Variants in NRG3 observed in about 807,000 individuals in gnomAD.
NRG3 encodes neuregulin 3, also known as pro-neuregulin-3, membrane-bound isoform.
In NRG3, 31 loss-of-function variants were observed where a neutral mutation model predicts 66.9. That is an observed-to-expected ratio of 0.46 (90% confidence interval 0.35 to 0.63). The LOEUF (loss-of-function observed/expected upper bound fraction) is 0.63, where lower values mean the gene tolerates loss of function less well. Ranked by LOEUF, NRG3 falls within the 20% of genes least tolerant of loss-of-function variation. The pLI is 0.00. For synonymous variants in NRG3, 393 were observed against 359.4 expected, an observed-to-expected ratio of 1.09 and a Z score of -1.06; for missense variants, 910 against 878.9, an observed-to-expected ratio of 1.04 and a Z score of -0.45.
intron 2 of NRG3, among the ~76,000 whole-genome samples, chr10:82,361,588 C>G (rs762302813): frequency 7.9e-5 from 12 of 152,124 alleles, no homozygotes; most frequent in Non-Finnish European, 1.2e-4. Context: ...TACTGAGCAC[C>G]TCCTATCACT....
intron 2 of NRG3, among the ~76,000 whole-genome samples, chr10:82,419,309 G>A (rs984265696): frequency 2.0e-5 from 3 of 151,988 alleles, no homozygotes; most frequent in African/African-American, 7.3e-5. Flanking sequence ...TAATTGAAAG[G>A]CAGAGTTTAA....
At chr10:82,254,478 T>C (rs2077622082) in intron 1 of NRG3, among the ~76,000 whole-genome samples, 1 of 152,194 alleles carries the variant, frequency 6.6e-6, no homozygotes, top group South Asian at 2.1e-4. Flanking sequence ...TCAGTGACAG[T>C]GAGCACACCC....
intron 2 of NRG3, among the ~76,000 whole-genome samples, chr10:82,540,274 T>C (rs763892690): frequency 6.6e-6 from 1 of 152,194 alleles, no homozygotes; most frequent in Non-Finnish European, 1.5e-5. Context: ...AGAACTGAAC[T>C]GCACTTCCTG....
intron 3 of NRG3, among the ~76,000 whole-genome samples, chr10:82,812,851 A>T (rs925401144): frequency 6.6e-6 from 1 of 152,218 alleles, no homozygotes; most frequent in Non-Finnish European, 1.5e-5. Context: ...AGTACAAAAA[A>T]TATGTTTATT....
intron 3 of NRG3, among the ~76,000 whole-genome samples, chr10:82,748,333 T>TA (rs138217779): frequency 0.065 from 9,883 of 151,452 alleles, 385 homozygotes; most frequent in African/African-American, 0.077. Flanking sequence ...ATGTTATGAC[T>TA]AGGGTGACCA....
intron 3 of NRG3, among the ~76,000 whole-genome samples, chr10:82,819,690 G>T (rs1414340399): frequency 6.6e-6 from 1 of 152,160 alleles, no homozygotes; most frequent in Admixed American, 6.5e-5. Context: ...GTCATTAGTG[G>T]TGTTTGTGCT....
chr10:82,684,094 G>GCTCCC (rs1163405662), intron 2 of NRG3, among the ~76,000 whole-genome samples: 1 of 151,988 alleles, frequency 6.6e-6, no homozygotes. Flanking sequence ...AGTAGCATTA[G>GCTCCC]CTCCCCGTAG....
intron 1 of NRG3, among the ~76,000 whole-genome samples, chr10:81,961,480 TTAATGAAC>T (rs3061973): frequency 1 from 152,010 of 152,022 alleles, 75,999 homozygotes; most frequent in Middle Eastern, 1. Flanking sequence ...AATAAAGGAA[TTAATGAAC>T]TAATGAACTA....
At chr10:82,239,747 A>G (rs899988749) in intron 1 of NRG3, among the ~76,000 whole-genome samples, 1 of 151,974 alleles carries the variant, frequency 6.6e-6, no homozygotes, top group Non-Finnish European at 1.5e-5. Context: ...TCTTATATCT[A>G]TAGGTTTACA....
intron 1 of NRG3, among the ~76,000 whole-genome samples, chr10:81,882,261 T>C (rs1049962580): frequency 2.6e-5 from 4 of 152,114 alleles, no homozygotes; most frequent in African/African-American, 7.2e-5. Flanking sequence ...GGTGTGTTCC[T>C]GCCAGGCAGT....
intron 2 of NRG3, among the ~76,000 whole-genome samples, chr10:82,511,458 CCA>C (rs1845160818): frequency 6.6e-6 from 1 of 152,138 alleles, no homozygotes; most frequent in Non-Finnish European, 1.5e-5. Flanking sequence ...ATATCAAAAG[CCA>C]CCTGGGTGAG....
chr10:82,302,155 T>C (rs1192156652), intron 1 of NRG3, among the ~76,000 whole-genome samples: 1 of 152,092 alleles, frequency 6.6e-6, no homozygotes, highest in Non-Finnish European at 1.5e-5. Flanking sequence ...CATTAAAGGT[T>C]ACCATCTGCA....
At chr10:82,630,184 C>G (rs1377615007) in intron 2 of NRG3, among the ~76,000 whole-genome samples, 1 of 151,806 alleles carries the variant, frequency 6.6e-6, no homozygotes, top group Non-Finnish European at 1.5e-5. Context: ...ATTCCAAATC[C>G]CAAATGAATT....
At chr10:82,898,155 C>T (rs1843842113) in intron 4 of NRG3, among the ~76,000 whole-genome samples, 1 of 152,226 alleles carries the variant, frequency 6.6e-6, no homozygotes, top group African/African-American at 2.4e-5. Flanking sequence ...TCCACAGCCT[C>T]TTGCTCCACA....
intron 1 of NRG3, among the ~76,000 whole-genome samples, chr10:81,987,945 C>T (rs898201098): frequency 6.6e-5 from 10 of 152,006 alleles, no homozygotes; most frequent in African/African-American, 2.4e-4. Context: ...TTGTCATGAC[C>T]AACAATACTG....
chr10:82,039,972 A>G (rs1491002275), intron 1 of NRG3, among the ~76,000 whole-genome samples: 1 of 152,144 alleles, frequency 6.6e-6, no homozygotes, highest in African/African-American at 2.4e-5. Context: ...GAAGTATATT[A>G]TTAAGCAGGC....
chr10:82,163,466 A>G (rs867366444), intron 1 of NRG3, among the ~76,000 whole-genome samples: 3 of 152,200 alleles, frequency 2.0e-5, no homozygotes, highest in African/African-American at 7.2e-5. Flanking sequence ...AATATTGTAA[A>G]TATTTAGGCA....
intron 3 of NRG3, among the ~76,000 whole-genome samples, chr10:82,758,682 T>C (rs1051941194): frequency 9.9e-5 from 15 of 152,054 alleles, no homozygotes; most frequent in African/African-American, 3.6e-4. Context: ...AGTCTGTAGC[T>C]CTCCATTTTC....
chr10:82,612,894 C>T (rs79530278), intron 2 of NRG3, among the ~76,000 whole-genome samples: 3,541 of 152,246 alleles, frequency 0.023, 54 homozygotes, highest in South Asian at 0.036. Flanking sequence ...CTGGGTGTTA[C>T]AGAAAATGCT....
Sources: allele counts gnomAD v4.1 joint callset (sites outside exome capture counted in the v4.1 genomes callset), GRCh38; gene constraint gnomAD v4.1.1; transcripts MANE v1.5; gene names NCBI Gene and HGNC (gene_info 2026-07-23, HGNC 2026-07-21).